Variants in PRKCE observed in about 807,000 individuals in gnomAD.
PRKCE encodes protein kinase C epsilon type.
In PRKCE, 16 loss-of-function variants were observed where a neutral mutation model predicts 85.4. The observed-to-expected ratio is 0.19, with a 90% confidence interval of 0.13 to 0.28. The LOEUF (loss-of-function observed/expected upper bound fraction) is 0.28, where lower values mean the gene tolerates loss of function less well. PRKCE is among the 10% of genes least tolerant of loss of function. The pLI is 1.00. For synonymous variants in PRKCE, 388 were observed against 371.5 expected, an observed-to-expected ratio of 1.04 and a Z score of -0.51; for missense variants, 573 against 975.2, an observed-to-expected ratio of 0.59 and a Z score of 5.49.
Position 45,682,670 on chromosome 2 carries a change from T to G in PRKCE, c.348+30222T>G, listed in dbSNP as rs911172710. The stretch of plus-strand genomic sequence containing the variant: ...GGCGCGATCTCCACTCACTGTAACC[T>G]CCACCTCCTGGATTCAAGCAATTCT... On this transcript the variant is annotated intron_variant, in intron 1 of 14. Transcript: ENST00000306156. 2.0e-5 allele frequency among the ~76,000 whole-genome samples: 3 copies of G among 152,204 alleles called. No homozygotes were observed. The South Asian group carries it at 6.2e-4, about 32-fold the overall frequency.
rs1680371589 is a variant in PRKCE, at chr2:46,185,262, T to C, written c.*381T>C. On this transcript the variant is annotated 3_prime_UTR_variant, in exon 15 of 15. Transcript: ENST00000306156. The surrounding 1 kb of genome is among the most constrained non-coding windows in gnomAD (Gnocchi z 4.7). The stretch of plus-strand genomic sequence containing the variant: ...GCAAACAAGAAGACTCCGGCTCTGC[T>C]ATCGGACACAGATCCTGATCCCTCT... The C allele has an allele frequency of 2.1e-5, 4 of 189,866 alleles. No individual in the cohort carries two copies. The highest frequency in any genetic ancestry group is 4.3e-5 in the Non-Finnish European group (4 of 92,190). The allele number at this position is 189,866 out of a possible 1,614,324, so 11.8% of individuals were successfully genotyped here.
At chr2:45,746,472 A>G (rs1683145207) in intron 1 of PRKCE, among the ~76,000 whole-genome samples, 1 of 152,216 alleles carries the variant, frequency 6.6e-6, no homozygotes, top group South Asian at 2.1e-4. Flanking sequence ...AAACATTTAT[A>G]CCTTCATGCT....
At chr2:46,040,226 A>G (rs1708138872) in intron 10 of PRKCE, among the ~76,000 whole-genome samples, 1 of 152,156 alleles carries the variant, frequency 6.6e-6, no homozygotes, top group Non-Finnish European at 1.5e-5. Flanking sequence ...GCCTCAAAGG[A>G]TGAGTAGGAT....
At chr2:45,922,424 T>C (rs561766197) in intron 2 of PRKCE, among the ~76,000 whole-genome samples, 5 of 152,064 alleles carry the variant, frequency 3.3e-5, no homozygotes, top group East Asian at 3.9e-4. Flanking sequence ...ACATCTAGAG[T>C]TGGGGGACAC....
At chr2:45,849,016 G>A (rs1323275533) in intron 2 of PRKCE, among the ~76,000 whole-genome samples, 2 of 152,228 alleles carry the variant, frequency 1.3e-5, no homozygotes, top group South Asian at 2.1e-4. Flanking sequence ...TCTTATTTTC[G>A]GGGATGGCTG....
intron 1 of PRKCE, among the ~76,000 whole-genome samples, chr2:45,784,634 GT>G (rs565815065): frequency 1.3e-5 from 2 of 150,824 alleles, no homozygotes; most frequent in African/African-American, 2.4e-5. Flanking sequence ...CTAGCTTTTT[GT>G]TTTTTTTTAA....
intron 2 of PRKCE, among the ~76,000 whole-genome samples, chr2:45,975,213 G>C (rs1702367605): frequency 6.6e-6 from 1 of 152,170 alleles, no homozygotes. Context: ...GGTTCATTGA[G>C]ATGTATTGTA....
At position 46,006,159 on chromosome 2, in the gene PRKCE, CATT is replaced by C. The variant is rs1705178192; in HGVS notation, c.1064-1298_1064-1296del. ...TTAGCACAGATGTCCCTCTGAGCGA[CATT>C]ATTACAGAACAGAAATAAGACATAG... On this transcript the variant is annotated intron_variant, in intron 8 of 14. Coordinates refer to ENST00000306156, the MANE Select transcript of PRKCE (RefSeq NM_005400.3). Among the ~76,000 whole-genome samples, 3 of 152,220 alleles carry C rather than the reference CATT, an allele frequency of 2.0e-5. No individual in the cohort carries two copies. In the South Asian group the frequency reaches 6.2e-4, roughly 32 times the overall value.
At chr2:45,878,162 C>T (rs1017354079) in intron 2 of PRKCE, among the ~76,000 whole-genome samples, 9 of 152,240 alleles carry the variant, frequency 5.9e-5, no homozygotes, top group Admixed American at 3.3e-4. Context: ...TGCCATGTGG[C>T]GAGCAGCAGA....
chr2:45,725,260 C>A (rs890718504), intron 1 of PRKCE, among the ~76,000 whole-genome samples: 9 of 152,112 alleles, frequency 5.9e-5, no homozygotes, highest in African/African-American at 1.9e-4. Context: ...TTTAGCCCAC[C>A]ATTGAGACCT....
At position 46,028,402 on chromosome 2, in the gene PRKCE, G is replaced by A. The variant is rs563637692; in HGVS notation, c.1437+17885G>A. 3.9e-5 allele frequency among the ~76,000 whole-genome samples: 6 copies of A among 152,276 alleles called. No homozygotes were observed. In the East Asian group the frequency reaches 1.2e-3, roughly 29 times the overall value. On this transcript the variant is annotated intron_variant, in intron 10 of 14. Transcript: ENST00000306156. ...TAAGAAGATGCCAAACATTTCATTT[G>A]GCAGTTTGTATTATGAAAACCATAG...
chr2:45,849,888 A>G (rs1558749033), intron 2 of PRKCE, among the ~76,000 whole-genome samples: 1 of 152,176 alleles, frequency 6.6e-6, no homozygotes, highest in Non-Finnish European at 1.5e-5. Flanking sequence ...GATGGAATAA[A>G]TTCTTGTTCC....
intron 1 of PRKCE, among the ~76,000 whole-genome samples, chr2:45,719,929 AACAACAACAACG>A (rs1387623339): frequency 2.6e-5 from 4 of 152,068 alleles, no homozygotes; most frequent in East Asian, 1.9e-4. Flanking sequence ...GTCTCCTAAA[AACAACAACAACG>A]ACAACAACAA....
At position 45,895,065 on chromosome 2, in the gene PRKCE, G is replaced by A. The variant is rs1030737468; in HGVS notation, c.412+52002G>A. 7.2e-5 allele frequency among the ~76,000 whole-genome samples: 11 copies of A among 152,178 alleles called. No homozygotes were observed. Among genetic ancestry groups the A allele is most frequent in the Admixed American group, 2.0e-4 (3 of 15,270 alleles). Reference sequence around the variant, plus strand: ...ACACATAAATGTCATCAATGATTCCGTCTCTACCTGGGTAAACTTCAGAAC... The same window carrying A: ...ACACATAAATGTCATCAATGATTCCATCTCTACCTGGGTAAACTTCAGAAC... On this transcript the variant is annotated intron_variant, in intron 2 of 14. Coordinates refer to ENST00000306156, the MANE Select transcript of PRKCE (RefSeq NM_005400.3). The surrounding 1 kb of genome is among the most constrained non-coding windows in gnomAD (Gnocchi z 4.8).
At chr2:45,766,085 A>G (rs1394602865) in intron 1 of PRKCE, among the ~76,000 whole-genome samples, 1 of 152,218 alleles carries the variant, frequency 6.6e-6, no homozygotes, top group Non-Finnish European at 1.5e-5. Context: ...TCTGGCAAGC[A>G]CAGCAGTTCC....
chr2:46,005,229 G>A (rs896776971), intron 8 of PRKCE, among the ~76,000 whole-genome samples: 52 of 152,310 alleles, frequency 3.4e-4, no homozygotes, highest in African/African-American at 1.1e-3. Context: ...CCTTCTGTCC[G>A]ACTGTGCTTC....
chr2:45,753,385 T>A (rs375694811), intron 1 of PRKCE, among the ~76,000 whole-genome samples: 5 of 152,376 alleles, frequency 3.3e-5, no homozygotes, highest in South Asian at 4.1e-4. Flanking sequence ...GAACTTTACA[T>A]CTTTTTAAGT....
rs1297972036 is a variant in PRKCE at position 45,925,547 on chromosome 2, C to T, written c.413-50882C>T. ...CTGACCTCAGGTGATCCACCCGCCT[C>T]GGCCTCCCAAAGTGCTAGGATTACA... On this transcript the variant is annotated intron_variant, in intron 2 of 14. Coordinates refer to ENST00000306156, the MANE Select transcript of PRKCE (RefSeq NM_005400.3). Among the ~76,000 whole-genome samples the T allele has an allele frequency of 7.2e-5, 11 of 152,266 alleles. 1 individual carries two copies. The highest frequency in any genetic ancestry group is 1.9e-4 in the East Asian group (1 of 5,172).
intron 1 of PRKCE, among the ~76,000 whole-genome samples, chr2:45,693,552 G>A (rs766912253): frequency 1.1e-4 from 16 of 152,166 alleles, no homozygotes; most frequent in African/African-American, 1.4e-4. Context: ...GAGAGGAGAT[G>A]GTCACCCAGC....
Sources: allele counts gnomAD v4.1 joint callset (sites outside exome capture counted in the v4.1 genomes callset), GRCh38; gene constraint gnomAD v4.1.1; non-coding constraint Gnocchi (gnomAD v3.1); transcripts MANE v1.5; gene names NCBI Gene and HGNC (gene_info 2026-07-23, HGNC 2026-07-21).